Variants in FKBP9 observed in about 807,000 individuals in gnomAD.
FKBP9 encodes the protein FKBP prolyl isomerase 9, also known as peptidyl-prolyl cis-trans isomerase FKBP9.
FKBP9 carries 27 observed loss-of-function variants against 55.6 expected under a neutral mutation model. The observed-to-expected ratio is 0.49, with a 90% CI of 0.36 to 0.67. The LOEUF is 0.67. Among genes scored for constraint, FKBP9 ranks in the 30% least tolerant of loss-of-function variants. FKBP9 has a pLI of 0.00. For missense variants in FKBP9, 539 were observed against 742.8 expected (o/e 0.73, Z 3.19); for synonymous variants, 267 against 296.5 (o/e 0.90, Z 1.02).
At chr7:32,996,082 G>A (rs1784777866) in intron 6 of FKBP9, 81 bp from the exon 7 acceptor site, 1 of 1,328,536 alleles carries the variant, frequency 7.5e-7, no homozygotes, top group African/African-American at 1.4e-5. Flanking sequence ...GGGCCTTGAG[G>A]ACATACCTGG....
intron 1 of FKBP9, among the ~76,000 whole-genome samples, chr7:32,966,144 G>A (rs1336861194): frequency 1.5e-5 from 2 of 132,148 alleles, no homozygotes; most frequent in African/African-American, 5.8e-5. Context: ...AGTGAGCCAA[G>A]ATCGTGCCAC....
intron 4 of FKBP9, among the ~76,000 whole-genome samples, chr7:32,976,819 CT>C (rs1476309681): frequency 7.9e-5 from 12 of 152,270 alleles, no homozygotes; most frequent in Non-Finnish European, 1.8e-4. Context: ...TGTCTGCTGT[CT>C]GATGATTGAG....
chr7:32,980,990 A>C (rs902198778), intron 5 of FKBP9, among the ~76,000 whole-genome samples: 3 of 150,034 alleles, frequency 2.0e-5, no homozygotes, highest in Non-Finnish European at 4.4e-5. Flanking sequence ...ATGGTTCTGC[A>C]GGAAGACAGG....
Position 32,985,232 on chromosome 7 carries a change from A to G in FKBP9, c.894-3275A>G, listed in dbSNP as rs574188494. Among the ~76,000 whole-genome samples the G allele has an allele frequency of 3.3e-5, 5 of 149,662 alleles. No individual in the cohort carries two copies. In the South Asian group the frequency reaches 8.5e-4, roughly 25 times the overall value. On this transcript the variant is annotated intron_variant, in intron 5 of 9. Transcript: ENST00000242209. ...GCTTCTTTGCCCAGGCTGGAGTGCAATGGTACGATCTCGGCTCACTGCAAC... is the reference window on the plus strand; with the variant it reads ...GCTTCTTTGCCCAGGCTGGAGTGCAGTGGTACGATCTCGGCTCACTGCAAC...
At chr7:32,969,598 T>C (rs1448521367) in intron 1 of FKBP9, among the ~76,000 whole-genome samples, 1 of 152,160 alleles carries the variant, frequency 6.6e-6, no homozygotes, top group East Asian at 1.9e-4. Context: ...TTTGGGTCAG[T>C]ACCATGCTGC....
At chr7:32,968,004 C>T (rs1014223638) in intron 1 of FKBP9, among the ~76,000 whole-genome samples, 1 of 152,212 alleles carries the variant, frequency 6.6e-6, no homozygotes, top group African/African-American at 2.4e-5. Context: ...ATCCACCCAC[C>T]TCAGCCTCCC....
At chr7:32,993,137 A>G in intron 6 of FKBP9, 1 of 232,548 alleles carries the variant, frequency 4.3e-6, no homozygotes, top group Admixed American at 5.6e-5. Context: ...TGCATCTTGG[A>G]GGGGAGATTA....
chr7:32,994,818 AGAGAGACCAATCAAGAAGCAG>A (rs1285834882), intron 6 of FKBP9, among the ~76,000 whole-genome samples: 87 of 152,282 alleles, frequency 5.7e-4, no homozygotes, highest in Non-Finnish European at 2.2e-4. Context: ...TAGAGATAGG[AGAGAGACCAATCAAGAAGCAG>A]ACACAGAAAA....
intron 1 of FKBP9, among the ~76,000 whole-genome samples, chr7:32,969,025 T>C (rs1784204000): frequency 6.6e-6 from 1 of 152,230 alleles, no homozygotes; most frequent in Admixed American, 6.5e-5. Context: ...CATTCGCTTG[T>C]TGGCCATTTG....
chr7:32,979,521 G>A, intron 4 of FKBP9: 1 of 1,550,616 alleles, frequency 6.4e-7, no homozygotes, highest in Non-Finnish European at 8.7e-7. Context: ...AAGGAGCTCA[G>A]GCTTGGCGGC....
In FKBP9 at chr7:33,002,227, T is replaced by G. The variant is rs538493249; in HGVS notation, c.1373-449T>G. The stretch of plus-strand genomic sequence containing the variant: ...CGGCTCACTGCAATGTTTGCCTCCC[T>G]GGTTCAAGCAATTCTCATGCCTCAG... On this transcript the variant is annotated intron_variant, in intron 8 of 9. Coordinates refer to ENST00000242209, the MANE Select transcript of FKBP9 (RefSeq NM_007270.5). 1.6e-3 allele frequency among the ~76,000 whole-genome samples: 241 copies of G among 152,102 alleles called. 2 individuals are homozygous for G. Among genetic ancestry groups the G allele is most frequent in the Non-Finnish European group, 2.6e-3 (175 of 67,974 alleles).
intron 1 of FKBP9, among the ~76,000 whole-genome samples, chr7:32,960,816 A>T (rs993217331): frequency 1.3e-5 from 2 of 152,256 alleles, no homozygotes; most frequent in African/African-American, 4.8e-5. Context: ...TGATAAGTAC[A>T]GTAAGACAGT....
intron 5 of FKBP9, among the ~76,000 whole-genome samples, chr7:32,985,647 G>A (rs1325513326): frequency 4.6e-5 from 7 of 152,056 alleles, no homozygotes; most frequent in Non-Finnish European, 8.8e-5. Flanking sequence ...TTACTTTACT[G>A]AGCAATTTTG....
intron 4 of FKBP9, among the ~76,000 whole-genome samples, chr7:32,979,143 C>A (rs570666518): frequency 6.6e-6 from 1 of 152,092 alleles, no homozygotes; most frequent in Non-Finnish European, 1.5e-5. Flanking sequence ...GTGGCAGGTG[C>A]CTGTAATCCC....
chr7:32,974,097 G>A (rs1454214208), intron 1 of FKBP9, among the ~76,000 whole-genome samples: 3 of 151,404 alleles, frequency 2.0e-5, no homozygotes, highest in African/African-American at 7.3e-5. Context: ...TCAAACTCTT[G>A]GGCTCAAGCG....
At chr7:32,976,596 C>T (rs185104616) in intron 4 of FKBP9, 97 bp downstream of exon 4, 42 of 1,482,626 alleles carry the variant, frequency 2.8e-5, no homozygotes, top group African/African-American at 9.9e-5. Context: ...CTAGACCTTT[C>T]GGTCTAGACC....
At chr7:32,987,157 G>A (rs1387877695) in intron 5 of FKBP9, among the ~76,000 whole-genome samples, 5 of 151,928 alleles carry the variant, frequency 3.3e-5, no homozygotes, top group African/African-American at 7.3e-5. Context: ...TGGAGAGTGC[G>A]GAATTCATTA....
intron 5 of FKBP9, among the ~76,000 whole-genome samples, chr7:32,982,984 A>ATGTGTGTGTGTGTGTGTG (rs71559288): frequency 1.4e-4 from 20 of 142,212 alleles, no homozygotes; most frequent in African/African-American, 3.6e-4. Context: ...GTCAAAGGTT[A>ATGTGTGTGTGTGTGTGTG]TGTGTGTGTG....
intron 5 of FKBP9, among the ~76,000 whole-genome samples, chr7:32,981,155 C>G (rs965407002): frequency 2.0e-5 from 3 of 151,462 alleles, no homozygotes; most frequent in African/African-American, 7.3e-5. Flanking sequence ...GAGCTGGGCT[C>G]TAGCCCCTGT....
Sources: allele counts gnomAD v4.1 joint callset (sites outside exome capture counted in the v4.1 genomes callset), GRCh38; gene constraint gnomAD v4.1.1; transcripts MANE v1.5; gene names NCBI Gene and HGNC (gene_info 2026-07-23, HGNC 2026-07-21).